ZNF804B: variants seen among roughly 807,000 people sequenced by gnomAD.
ZNF804B encodes the protein zinc finger 804B.
ZNF804B carries 80 observed loss-of-function variants against 101.4 expected under a neutral mutation model. The ratio of observed to expected loss-of-function variants is 0.79; its 90% CI spans 0.66 to 0.95. The LOEUF is 0.95. Among genes scored for constraint, ZNF804B ranks in the 40% least tolerant of loss-of-function variants. The pLI is 0.00. For synonymous variants in ZNF804B, 622 were observed against 558.8 expected, an observed-to-expected ratio of 1.11 and a Z score of -1.59; for missense variants, 1,673 against 1,561.9, an observed-to-expected ratio of 1.07 and a Z score of -1.20.
chr7:88,977,641 T>G lies in ZNF804B; in HGVS notation c.108+217557T>G, dbSNP rs1308624382. On this transcript the variant is annotated intron_variant, in intron 1 of 3. Transcript: ENST00000333190. ...CGTTTGGGTCTCCTCTCCTTTTTATTAGTCTTGCTGGAGTTTTGGCAATTG... is the reference window on the plus strand; with the variant it reads ...CGTTTGGGTCTCCTCTCCTTTTTATGAGTCTTGCTGGAGTTTTGGCAATTG... Among the ~76,000 whole-genome samples, 3 of 151,614 alleles carry G rather than the reference T, an allele frequency of 2.0e-5. No individual in the cohort carries two copies. The East Asian group carries it at 5.8e-4, about 30-fold the overall frequency.
chr7:88,906,201 C>T (rs1336287797), intron 1 of ZNF804B, among the ~76,000 whole-genome samples: 1 of 151,206 alleles, frequency 6.6e-6, no homozygotes, highest in South Asian at 2.1e-4. Flanking sequence ...CGTTTTTGTT[C>T]TTTTGAAGAA....
intron 1 of ZNF804B, among the ~76,000 whole-genome samples, chr7:89,093,977 C>T (rs1029242147): frequency 6.6e-6 from 1 of 152,162 alleles, no homozygotes; most frequent in African/African-American, 2.4e-5. Context: ...GGCTCAGAAG[C>T]CCACCAGGAT....
At chr7:89,290,156 G>A (rs2115894407) in intron 2 of ZNF804B, among the ~76,000 whole-genome samples, 1 of 152,230 alleles carries the variant, frequency 6.6e-6, no homozygotes, top group Non-Finnish European at 1.5e-5. Context: ...CCAGTTTCAG[G>A]AGGATCTATC....
chr7:89,139,783 G>A (rs1790690350), intron 1 of ZNF804B, among the ~76,000 whole-genome samples: 2 of 152,052 alleles, frequency 1.3e-5, no homozygotes, highest in Non-Finnish European at 2.9e-5. Flanking sequence ...CTGAAATCTT[G>A]AACTGCTCAA....
intron 1 of ZNF804B, among the ~76,000 whole-genome samples, chr7:88,805,214 T>C (rs1410242009): frequency 1.3e-5 from 2 of 151,152 alleles, no homozygotes; most frequent in Non-Finnish European, 2.9e-5. Context: ...AACATTATTG[T>C]ATTCCAAATA....
intron 1 of ZNF804B, among the ~76,000 whole-genome samples, chr7:89,197,723 T>A (rs1788576929): frequency 6.6e-6 from 1 of 151,912 alleles, no homozygotes; most frequent in Non-Finnish European, 1.5e-5. Context: ...CTTAGATTCT[T>A]GATTTTTCCT....
At chr7:89,047,866 C>T (rs919977610) in intron 1 of ZNF804B, among the ~76,000 whole-genome samples, 2 of 151,044 alleles carry the variant, frequency 1.3e-5, no homozygotes, top group African/African-American at 4.9e-5. Context: ...CAGCATCAGG[C>T]GATTGGTTGA....
intron 1 of ZNF804B, among the ~76,000 whole-genome samples, chr7:88,972,071 G>T (rs1460777645): frequency 6.6e-6 from 1 of 151,510 alleles, no homozygotes. Flanking sequence ...AGTTCCTCCA[G>T]AAGTATTTAG....
intron 1 of ZNF804B, among the ~76,000 whole-genome samples, chr7:89,038,385 G>A (rs1192995288): frequency 6.6e-6 from 1 of 151,986 alleles, no homozygotes; most frequent in Non-Finnish European, 1.5e-5. Context: ...ATCTCATTGT[G>A]GTTTTAATGC....
At chr7:89,186,001 G>C (rs2115597920) in intron 1 of ZNF804B, among the ~76,000 whole-genome samples, 1 of 152,126 alleles carries the variant, frequency 6.6e-6, no homozygotes, top group Non-Finnish European at 1.5e-5. Flanking sequence ...AATCTATTAT[G>C]GCTGCACACA....
intron 1 of ZNF804B, among the ~76,000 whole-genome samples, chr7:88,932,490 T>A (rs371047613): frequency 4.6e-5 from 7 of 151,816 alleles, no homozygotes; most frequent in African/African-American, 1.7e-4. Context: ...CAAAATTCAT[T>A]GACCATTAGT....
At chr7:89,227,861 T>C (rs1789119968) in intron 2 of ZNF804B, among the ~76,000 whole-genome samples, 1 of 152,222 alleles carries the variant, frequency 6.6e-6, no homozygotes. Context: ...CCATGAGATC[T>C]CTCAACAGGG....
intron 2 of ZNF804B, among the ~76,000 whole-genome samples, chr7:89,264,097 A>G (rs1789748761): frequency 6.6e-6 from 1 of 152,024 alleles, no homozygotes; most frequent in Non-Finnish European, 1.5e-5. Context: ...GTTTATATCC[A>G]CAACCATACC....
chr7:88,888,030 T>C (rs1385448609), intron 1 of ZNF804B, among the ~76,000 whole-genome samples: 1 of 152,172 alleles, frequency 6.6e-6, no homozygotes, highest in African/African-American at 2.4e-5. Context: ...GTTATATAAA[T>C]CTATTATATT....
chr7:88,875,316 G>A (rs1791913283), intron 1 of ZNF804B, among the ~76,000 whole-genome samples: 1 of 151,570 alleles, frequency 6.6e-6, no homozygotes. Context: ...AATCAGAGCA[G>A]AACTGAAGGA....
chr7:88,779,655 T>C (rs1388609968), intron 1 of ZNF804B, among the ~76,000 whole-genome samples: 2 of 152,184 alleles, frequency 1.3e-5, no homozygotes, highest in Non-Finnish European at 2.9e-5. Flanking sequence ...CTTCACATTT[T>C]ACTACATTGC....
intron 1 of ZNF804B, among the ~76,000 whole-genome samples, chr7:89,091,180 G>A (rs917584521): frequency 1.3e-5 from 2 of 151,528 alleles, no homozygotes; most frequent in African/African-American, 4.9e-5. Context: ...AAATTCATGA[G>A]TTTAGGGATG....
At chr7:89,077,201 G>A (rs1023711036) in intron 1 of ZNF804B, among the ~76,000 whole-genome samples, 1 of 152,140 alleles carries the variant, frequency 6.6e-6, no homozygotes, top group African/African-American at 2.4e-5. Context: ...CAGGTTCTTG[G>A]GATCATCCAG....
At chr7:88,941,943 C>T (rs1360830631) in intron 1 of ZNF804B, among the ~76,000 whole-genome samples, 1 of 151,694 alleles carries the variant, frequency 6.6e-6, no homozygotes, top group Non-Finnish European at 1.5e-5. Context: ...TTCCTTGGGC[C>T]CTGAAGTCCC....
Sources: gnomAD v4.1 joint callset for allele counts (sites outside exome capture counted in the v4.1 genomes callset) on GRCh38, gnomAD v4.1.1 for gene constraint, MANE v1.5 for transcripts, NCBI Gene and HGNC (gene_info 2026-07-23, HGNC 2026-07-21) for gene names.